The following CEP112 variants were observed in gnomAD, a reference collection of about 807,000 sequenced individuals.
The protein encoded by CEP112 is centrosomal protein 112, also known as centrosomal protein of 112 kDa.
In CEP112, 127 loss-of-function variants were observed where a neutral mutation model predicts 153.0. The observed-to-expected ratio is 0.83, with a 90% CI of 0.72 to 0.96. The LOEUF (loss-of-function observed/expected upper bound fraction) is 0.96. CEP112 is among the 40% of genes least tolerant of loss of function. The pLI is 0.00. For synonymous variants in CEP112, 358 were observed against 374.4 expected (o/e 0.96, Z 0.51); for missense variants, 1,089 against 1,101.2 (o/e 0.99, Z 0.16).
chr17:65,804,944 G>T (rs1278151928), intron 21 of CEP112, among the ~76,000 whole-genome samples: 2 of 151,778 alleles, frequency 1.3e-5, no homozygotes, highest in Non-Finnish European at 2.9e-5. Flanking sequence ...CACCTCCTGG[G>T]TTCAAGCAAT....
rs57907674 is a variant in CEP112 at position 65,679,129 on chromosome 17, C to CTTTTTT, written c.2697+9994_2697+9999dup. Among the ~76,000 whole-genome samples, 116 of 31,632 alleles carry CTTTTTT rather than the reference C, an allele frequency of 3.7e-3. 47 individuals are homozygous for CTTTTTT. Among genetic ancestry groups the CTTTTTT allele is most frequent in the South Asian group, 5.6e-3 (4 of 718 alleles). 20.8% of individuals were successfully genotyped at this position (31,632 alleles called of 152,430 possible). On this transcript the variant is annotated intron_variant, in intron 24 of 26. Coordinates refer to ENST00000535342, the MANE Select transcript of CEP112 (RefSeq NM_001199165.4). The stretch of plus-strand genomic sequence containing the variant: ...AATGTCCTTGACACTGTGGTTCAAG[C>CTTTTTT]TTTTTTTTTTTTTTTTTTTTTTTTT...
chr17:65,714,176 T>C (rs2049362105), intron 23 of CEP112, among the ~76,000 whole-genome samples: 1 of 152,152 alleles, frequency 6.6e-6, no homozygotes, highest in South Asian at 2.1e-4. Flanking sequence ...CCTGTCACTC[T>C]CTTCCATACA....
chr17:65,906,380 C>T (rs2060082781), intron 19 of CEP112, among the ~76,000 whole-genome samples: 1 of 152,006 alleles, frequency 6.6e-6, no homozygotes, highest in Admixed American at 6.6e-5. Context: ...AACAAATCTG[C>T]AGGTTCTGCA....
intron 17 of CEP112, among the ~76,000 whole-genome samples, chr17:65,994,039 G>A (rs7219574): frequency 0.064 from 9,787 of 151,752 alleles, 453 homozygotes; most frequent in South Asian, 0.12. Context: ...AAAACTGCAT[G>A]GAGTCAGAAA....
At chr17:65,701,736 C>T (rs1216844953) in intron 23 of CEP112, among the ~76,000 whole-genome samples, 1 of 152,134 alleles carries the variant, frequency 6.6e-6, no homozygotes, top group African/African-American at 2.4e-5. Flanking sequence ...AATTTTCCCC[C>T]TCAACCAGCT....
intron 4 of CEP112, among the ~76,000 whole-genome samples, chr17:66,138,437 G>A (rs951535698): frequency 6.6e-6 from 1 of 151,942 alleles, no homozygotes; most frequent in Admixed American, 6.6e-5. Flanking sequence ...AGACTGGGTG[G>A]GTTAATTTCT....
At chr17:65,697,837 TA>T (rs2048430425) in intron 23 of CEP112, among the ~76,000 whole-genome samples, 1 of 152,084 alleles carries the variant, frequency 6.6e-6, no homozygotes. Flanking sequence ...TAACAAACCA[TA>T]AAAAAAGTTT....
intron 4 of CEP112, among the ~76,000 whole-genome samples, chr17:66,155,304 C>T (rs578119359): frequency 6.6e-6 from 1 of 152,220 alleles, no homozygotes; most frequent in African/African-American, 2.4e-5. Context: ...GAACTCCCTC[C>T]CCTAGCCAAC....
Position 65,798,949 on chromosome 17 carries a change from C to CA in CEP112, c.2395-48226dup, listed in dbSNP as rs2055098699. On this transcript the variant is annotated intron_variant, in intron 21 of 26. Transcript: ENST00000535342. ...AAAGCCTTCAGAATATTAAAATACACAAAAAATGAACTAACTCATTTACTA... is the reference window on the plus strand; with the variant it reads ...AAAGCCTTCAGAATATTAAAATACACAAAAAAATGAACTAACTCATTTACTA... Among the ~76,000 whole-genome samples, 2 of 152,062 alleles carry CA rather than the reference C, an allele frequency of 1.3e-5. 1 individual carries two copies. Among genetic ancestry groups the CA allele is most frequent in the South Asian group, 4.1e-4 (2 of 4,828 alleles).
rs367928658 is a variant in CEP112, at chr17:65,672,807, C to T, written c.2697+16322G>A. ...AAGAAGAGAAAGTCCCAGATTCACA[C>T]ACATATCAAAAATTTGATTTTTGAA... On this transcript the variant is annotated intron_variant, in intron 24 of 26. Transcript: ENST00000535342. Among the ~76,000 whole-genome samples, 30 of 152,188 alleles carry T rather than the reference C, an allele frequency of 2.0e-4. 1 individual carries two copies. The East Asian group carries it at 4.4e-3, about 23-fold the overall frequency.
chr17:65,721,250 T>C (rs1396199072), intron 23 of CEP112, among the ~76,000 whole-genome samples: 1 of 152,194 alleles, frequency 6.6e-6, no homozygotes, highest in Non-Finnish European at 1.5e-5. Context: ...GATCTTGTGA[T>C]CTGCCCGCCT....
intron 6 of CEP112, among the ~76,000 whole-genome samples, chr17:66,126,571 A>C (rs558519851): frequency 6.6e-6 from 1 of 152,308 alleles, no homozygotes; most frequent in African/African-American, 2.4e-5. Context: ...AAGCGTCATA[A>C]AAACTAAATG....
At chr17:66,129,615 T>C (rs2070031667) in intron 6 of CEP112, 131 bp downstream of exon 6, 1 of 588,306 alleles carries the variant, frequency 1.7e-6, no homozygotes, top group Non-Finnish European at 2.9e-6. Flanking sequence ...TAAGCCCTTC[T>C]CAAGGCCACA....
At chr17:65,701,898 G>GTTTTTT (rs869242758) in intron 23 of CEP112, among the ~76,000 whole-genome samples, 28 of 116,048 alleles carry the variant, frequency 2.4e-4, no homozygotes, top group Non-Finnish European at 4.0e-4. Context: ...TTTTTTTTTT[G>GTTTTTT]TTTTTTTTTT....
chr17:65,742,187 T>C (rs970504586), intron 23 of CEP112, among the ~76,000 whole-genome samples: 8 of 152,206 alleles, frequency 5.3e-5, no homozygotes, highest in African/African-American at 1.9e-4. Flanking sequence ...CAACAGGCTA[T>C]AGAAAAAGAA....
intron 21 of CEP112, among the ~76,000 whole-genome samples, chr17:65,753,553 A>G (rs2145289921): frequency 6.6e-6 from 1 of 152,224 alleles, no homozygotes; most frequent in Middle Eastern, 3.4e-3. Context: ...TTTTTCTAGT[A>G]AGTCATCAGA....
At chr17:65,920,361 A>AT (rs1307745314) in intron 19 of CEP112, among the ~76,000 whole-genome samples, 3 of 68,990 alleles carry the variant, frequency 4.3e-5, no homozygotes, top group South Asian at 5.1e-4. Flanking sequence ...CAAACAAACA[A>AT]AATATATATA....
At chr17:66,037,590 T>C (rs1256592916) in intron 12 of CEP112, among the ~76,000 whole-genome samples, 1 of 116,942 alleles carries the variant, frequency 8.6e-6, no homozygotes, top group African/African-American at 3.4e-5. Flanking sequence ...ATGACTTCCA[T>C]AGGATGATTT....
intron 23 of CEP112, among the ~76,000 whole-genome samples, chr17:65,722,233 T>C (rs2049927364): frequency 6.6e-6 from 1 of 151,508 alleles, no homozygotes; most frequent in Admixed American, 6.6e-5. Context: ...GGGAGGTCAA[T>C]AGAGCCAATT....
Sources: allele counts gnomAD v4.1 joint callset (sites outside exome capture counted in the v4.1 genomes callset), GRCh38; gene constraint gnomAD v4.1.1; transcripts MANE v1.5; gene names NCBI Gene and HGNC (gene_info 2026-07-23, HGNC 2026-07-21).